Variants in COL8A2 observed in about 807,000 individuals in gnomAD.
COL8A2 encodes collagen alpha-2(VIII) chain.
Under a neutral mutation model 24.0 loss-of-function variants are expected in COL8A2, and 16 were observed. The observed-to-expected ratio is 0.67, with a 90% CI of 0.45 to 1.01. COL8A2 has a LOEUF of 1.01. Among genes scored for constraint, COL8A2 ranks in the 50% least tolerant of loss-of-function variants. COL8A2 has a pLI of 0.00. For missense variants in COL8A2, 818 were observed against 942.4 expected, an observed-to-expected ratio of 0.87 and a Z score of 1.73; for synonymous variants, 466 against 424.5, an observed-to-expected ratio of 1.10 and a Z score of -1.20.
intron 2 of COL8A2, among the ~76,000 whole-genome samples, chr1:36,110,371 C>A (rs928358294): frequency 6.6e-6 from 1 of 152,112 alleles, no homozygotes. Flanking sequence ...CCTCTCTTCA[C>A]TCTAATTTCA....
chr1:36,103,275 T>C (rs1229086870), intron 2 of COL8A2, among the ~76,000 whole-genome samples: 2 of 151,720 alleles, frequency 1.3e-5, no homozygotes, highest in Non-Finnish European at 2.9e-5. Context: ...AGAAAGTTTT[T>C]TTGATTTTGT....
intron 1 of COL8A2, among the ~76,000 whole-genome samples, chr1:36,120,515 C>T (rs1311244535): frequency 1.3e-5 from 2 of 148,256 alleles, no homozygotes; most frequent in African/African-American, 2.5e-5. Context: ...TTTGGGAGGC[C>T]GAGGCGGGCA....
At chr1:36,122,932 A>G (rs1643924901) in intron 1 of COL8A2, among the ~76,000 whole-genome samples, 2 of 151,786 alleles carry the variant, frequency 1.3e-5, no homozygotes, top group South Asian at 4.2e-4. Flanking sequence ...AGAACCCTGA[A>G]GCTTCCCCCT....
intron 1 of COL8A2, among the ~76,000 whole-genome samples, chr1:36,120,763 A>AT (rs1643907054): frequency 7.1e-6 from 1 of 141,246 alleles, no homozygotes; most frequent in Non-Finnish European, 1.5e-5. Context: ...AAAAAAAAAA[A>AT]ATAGAGAGAG....
rs1178172758 is a variant in COL8A2, at chr1:36,123,239, T to G, written c.-62+1818A>C. On this transcript the variant is annotated intron_variant, in intron 1 of 3. Transcript: ENST00000397799. This position sits in a 1 kb window ranked among gnomAD's most constrained non-coding sequence, Gnocchi z 4.1. ...GGGACCAGCGCATCTGAGACCCCAC[T>G]TCCCTGTAAGAGGTGCCCCATCCCT... Among the ~76,000 whole-genome samples the G allele has an allele frequency of 6.6e-6, 1 of 152,158 alleles. No individual in the cohort carries two copies. Among genetic ancestry groups the G allele is most frequent in the Non-Finnish European group, 1.5e-5 (1 of 68,026 alleles).
Position 36,100,206 on chromosome 1 carries a change from G to C in COL8A2, c.37C>G (p.Leu13Val), listed in dbSNP as rs1216772240. The change falls in exon 3 of 4, where the codon CTG becomes GTG. Residue 13 changes from leucine (L) to valine (V), a missense_variant. Coordinates refer to ENST00000397799, the MANE Select transcript of COL8A2 (RefSeq NM_005202.4). ...CCCAGCACCAGCACCAGTAGCAGCAGCAGCAGCGAAGACAGGGGTGTCAGA... is the reference window on the plus strand; with the variant it reads ...CCCAGCACCAGCACCAGTAGCAGCACCAGCAGCGAAGACAGGGGTGTCAGA... Reference protein sequence around the residue: ...GTLTPLSSLLLLLLVLVLGCG... With the variant: ...GTLTPLSSLLVLLLVLVLGCG... 2 of 1,592,396 alleles carry C rather than the reference G, an allele frequency of 1.3e-6. No homozygotes were observed. Among genetic ancestry groups the C allele is most frequent in the Non-Finnish European group, 1.7e-6 (2 of 1,170,132 alleles).
intron 2 of COL8A2, among the ~76,000 whole-genome samples, chr1:36,109,581 C>CTT (rs10715688): frequency 7.1e-4 from 100 of 141,138 alleles, no homozygotes; most frequent in African/African-American, 2.4e-3. Context: ...AGTAACCACT[C>CTT]TTTTTTTTTT....
intron 2 of COL8A2, among the ~76,000 whole-genome samples, chr1:36,114,667 T>C (rs879734213): frequency 2.0e-5 from 3 of 152,306 alleles, no homozygotes; most frequent in Non-Finnish European, 4.4e-5. Context: ...CCCACCTGCA[T>C]GAAAGCACCT....
chr1:36,103,481 G>T (rs902746300), intron 2 of COL8A2, among the ~76,000 whole-genome samples: 3 of 151,654 alleles, frequency 2.0e-5, no homozygotes, highest in Non-Finnish European at 2.9e-5. Context: ...CACTGTGTTA[G>T]CCAGGATGGT....
intron 2 of COL8A2, among the ~76,000 whole-genome samples, chr1:36,111,276 G>C (rs1279384021): frequency 6.6e-6 from 1 of 151,854 alleles, no homozygotes; most frequent in Non-Finnish European, 1.5e-5. Flanking sequence ...TCCACCCTCA[G>C]GCCCCACTCA....
Position 36,100,116 on chromosome 1 carries a change from A to G in COL8A2, c.127T>C (p.Tyr43His). The G allele has an allele frequency of 6.2e-7, 1 of 1,612,946 alleles. No homozygotes were observed. The highest frequency in any genetic ancestry group is 8.5e-7 in the Non-Finnish European group (1 of 1,179,444). Residue 43 changes from tyrosine to histidine, a missense_variant, in exon 3 of 4, where the codon TAC (tyrosine) becomes CAC (histidine). Tyr to His is a moderately conservative substitution (Grantham distance 83). Transcript: ENST00000397799. ...GGTCCTTTCTGCATGGGCTGGATGT[A>G]CTTCACTGGGGCATAGCCCGCCGCC... ...GGAAGYAPVK[Y>H]IQPMQKGPVG...
At chr1:36,107,262 C>A (rs1352444643) in intron 2 of COL8A2, among the ~76,000 whole-genome samples, 1 of 152,086 alleles carries the variant, frequency 6.6e-6, no homozygotes, top group Non-Finnish European at 1.5e-5. Context: ...AAAAATTACC[C>A]AGGCATGGTG....
intron 2 of COL8A2, among the ~76,000 whole-genome samples, chr1:36,109,727 G>T (rs1022424945): frequency 6.6e-6 from 1 of 151,548 alleles, no homozygotes; most frequent in East Asian, 1.9e-4. Flanking sequence ...ACACCACCAC[G>T]CCCAGCTAAT....
At chr1:36,124,799 C>G (rs909920485) in intron 1 of COL8A2, among the ~76,000 whole-genome samples, 2 of 152,072 alleles carry the variant, frequency 1.3e-5, no homozygotes, top group Non-Finnish European at 2.9e-5. Flanking sequence ...CTGTCTTATG[C>G]TGGAGCCCTC....
intron 2 of COL8A2, among the ~76,000 whole-genome samples, chr1:36,102,126 C>G (rs561885909): frequency 1.3e-5 from 2 of 152,138 alleles, no homozygotes; most frequent in Non-Finnish European, 2.9e-5. Flanking sequence ...TTGCAGTGAG[C>G]TGCACTCCAG....
Position 36,098,819 on chromosome 1 carries a change from AC to A in COL8A2, c.861del (p.Leu288CysfsTer22). On this transcript the variant is annotated frameshift_variant, in exon 4 of 4. Transcript: ENST00000397799. LOFTEE classifies it high-confidence loss of function. ...VDGVGVPGAA[G>X]LPGPQGPSGA... ...CCTGATGGGCCCTGTGGTCCTGGCA[AC>A]CCTGCTGCCCCTGGGACTCCCACAC... 6.2e-7 allele frequency: 1 copy of A among 1,610,994 alleles called. No homozygotes were observed. Among genetic ancestry groups the A allele is most frequent in the Non-Finnish European group, 8.5e-7 (1 of 1,179,410 alleles).
At chr1:36,116,957 A>G (rs924067514) in intron 1 of COL8A2, among the ~76,000 whole-genome samples, 1 of 152,228 alleles carries the variant, frequency 6.6e-6, no homozygotes, top group Middle Eastern at 3.2e-3. Context: ...TCCAGGTCAC[A>G]TAGCTGTACG....
intron 1 of COL8A2, among the ~76,000 whole-genome samples, chr1:36,122,862 C>T (rs772366021): frequency 1.3e-5 from 2 of 152,100 alleles, no homozygotes; most frequent in Non-Finnish European, 2.9e-5. Context: ...TCATGAGTCC[C>T]TCCCACTCCC....
intron 2 of COL8A2, among the ~76,000 whole-genome samples, chr1:36,100,498 C>T (rs1177523050): frequency 2.6e-5 from 4 of 152,136 alleles, no homozygotes; most frequent in African/African-American, 2.4e-5. Flanking sequence ...CCACCATCTC[C>T]GAGAGCCCAG....
Sources: allele counts gnomAD v4.1 joint callset (sites outside exome capture counted in the v4.1 genomes callset), GRCh38; gene constraint gnomAD v4.1.1; non-coding constraint Gnocchi (gnomAD v3.1); transcripts MANE v1.5; gene names NCBI Gene and HGNC (gene_info 2026-07-23, HGNC 2026-07-21).